The following FRMD6 variants were observed in gnomAD, a reference collection of about 807,000 sequenced individuals.
The protein encoded by FRMD6 is FERM domain containing 6, also known as FERM domain-containing protein 6.
In FRMD6, 37 loss-of-function variants were observed where a neutral mutation model predicts 73.2. That is an observed-to-expected ratio of 0.51 (90% CI 0.39 to 0.66). The LOEUF is 0.66. Among genes scored for constraint, FRMD6 ranks in the 30% least tolerant of loss-of-function variants. The pLI is 0.00. For missense variants in FRMD6, 714 were observed against 780.5 expected (o/e 0.91, Z 1.02); for synonymous variants, 273 against 282.2 (o/e 0.97, Z 0.33).
chr14:51,498,589 T>C (rs1956571), intron 1 of FRMD6, among the ~76,000 whole-genome samples: 88,278 of 152,054 alleles, frequency 0.58, 26,031 homozygotes, highest in South Asian at 0.68. Flanking sequence ...GGCCTGGGCT[T>C]AGCTGGGACA....
the FRMD6 span, among the ~76,000 whole-genome samples, chr14:51,405,519 A>G: frequency 6.6e-6 from 1 of 151,838 alleles, no homozygotes; most frequent in Non-Finnish European, 1.5e-5. Context: ...GACTGGTGTG[A>G]GATGGTATCT....
chr14:51,548,477 G>T (rs924213143), intron 1 of FRMD6, among the ~76,000 whole-genome samples: 1 of 152,162 alleles, frequency 6.6e-6, no homozygotes, highest in African/African-American at 2.4e-5. Context: ...AACACAACCT[G>T]GCTGGCTTAG....
the FRMD6 span, among the ~76,000 whole-genome samples, chr14:51,472,524 C>T: frequency 2.6e-5 from 4 of 152,100 alleles, no homozygotes; most frequent in African/African-American, 4.8e-5. Flanking sequence ...AGGATGGCCT[C>T]GATCTCCTGA....
upstream of FRMD6, among the ~76,000 whole-genome samples, chr14:51,484,103 G>A (rs1479725448): frequency 6.6e-6 from 1 of 152,158 alleles, no homozygotes; most frequent in Non-Finnish European, 1.5e-5. Context: ...TAAAAAATAA[G>A]CTTTTCCATT....
At chr14:51,529,573 G>GCAAT (rs1323621698) in intron 1 of FRMD6, among the ~76,000 whole-genome samples, 1 of 152,100 alleles carries the variant, frequency 6.6e-6, no homozygotes, top group Non-Finnish European at 1.5e-5. Context: ...ATATCCAGTA[G>GCAAT]CAATCATTTC....
At chr14:51,464,576 G>T in the FRMD6 span, among the ~76,000 whole-genome samples, 83 of 152,266 alleles carry the variant, frequency 5.5e-4, 1 homozygote, top group African/African-American at 1.9e-3. Flanking sequence ...GAGAACAGGA[G>T]AACTGGGTTA....
the FRMD6 span, among the ~76,000 whole-genome samples, chr14:51,440,757 C>T: frequency 1.3e-5 from 2 of 152,260 alleles, no homozygotes; most frequent in African/African-American, 2.4e-5. Flanking sequence ...ATACTTACAA[C>T]GTGTCAAGCA....
chr14:51,701,401 G>GTA (rs1308901058), intron 4 of FRMD6, among the ~76,000 whole-genome samples: 75 of 138,282 alleles, frequency 5.4e-4, no homozygotes, highest in African/African-American at 1.8e-3. Context: ...TATATACTTA[G>GTA]TATATATATA....
intron 2 of FRMD6, among the ~76,000 whole-genome samples, chr14:51,690,241 C>T (rs1028485715): frequency 6.6e-6 from 1 of 152,158 alleles, no homozygotes; most frequent in African/African-American, 2.4e-5. Context: ...GAATTTATGT[C>T]TTAAATGCTT....
chr14:51,662,206 T>C (rs1157455054), intron 1 of FRMD6, among the ~76,000 whole-genome samples: 2 of 152,228 alleles, frequency 1.3e-5, no homozygotes, highest in African/African-American at 4.8e-5. Context: ...TAGATTGTTT[T>C]TTGATACTAT....
chr14:51,712,890 G>T (rs1897022455), intron 9 of FRMD6, among the ~76,000 whole-genome samples: 2 of 152,164 alleles, frequency 1.3e-5, no homozygotes, highest in Non-Finnish European at 2.9e-5. Context: ...AGGTTAGCCA[G>T]TTCTTTTGAA....
At chr14:51,699,322 C>T (rs1401246595) in intron 3 of FRMD6, among the ~76,000 whole-genome samples, 2 of 152,052 alleles carry the variant, frequency 1.3e-5, no homozygotes, top group African/African-American at 4.8e-5. Flanking sequence ...ATACTTCAGT[C>T]GTTCTTTCAG....
the FRMD6 span, among the ~76,000 whole-genome samples, chr14:51,414,673 T>G: frequency 5.3e-4 from 81 of 152,330 alleles, no homozygotes; most frequent in Non-Finnish European, 1.0e-3. Context: ...TAAAGTAGTT[T>G]TTTTCCAATT....
At chr14:51,602,734 TC>T (rs1890088723) in intron 2 of FRMD6, among the ~76,000 whole-genome samples, 1 of 152,248 alleles carries the variant, frequency 6.6e-6, no homozygotes, top group Non-Finnish European at 1.5e-5. Flanking sequence ...TGTTTCTTTT[TC>T]ACTTTCATGC....
intron 1 of FRMD6, among the ~76,000 whole-genome samples, chr14:51,565,593 C>A (rs1950908): frequency 6.6e-6 from 1 of 152,128 alleles, no homozygotes; most frequent in African/African-American, 2.4e-5. Context: ...CTGGTGGTGG[C>A]GGTGGTAGTT....
chr14:51,411,230 A>G, the FRMD6 span, among the ~76,000 whole-genome samples: 929 of 152,310 alleles, frequency 6.1e-3, 13 homozygotes, highest in African/African-American at 0.021. Context: ...ATTTCTTAAG[A>G]ATTTGAATTC....
rs73290940 is a variant in FRMD6 at position 51,631,079 on chromosome 14, T to C, written c.-146-58612T>C. Among the ~76,000 whole-genome samples, 1,236 of 152,120 alleles carry C rather than the reference T, an allele frequency of 8.1e-3. 18 individuals carry two copies. Among genetic ancestry groups the C allele is most frequent in the African/African-American group, 0.028 (1,178 of 41,506 alleles). ...TCATTCTGAGTACTTGCCCAGATAG[T>C]GCAGAGAAAATCCACAGAGACAGTT... On this transcript the variant is annotated intron_variant, in intron 2 of 14. Transcript: ENST00000356218.
chr14:51,456,792 T>C, the FRMD6 span, among the ~76,000 whole-genome samples: 1 of 152,194 alleles, frequency 6.6e-6, no homozygotes, highest in African/African-American at 2.4e-5. Flanking sequence ...ATGTGGCATA[T>C]ATACACAATG....
chr14:51,503,173 T>C (rs1337816629), intron 1 of FRMD6, among the ~76,000 whole-genome samples: 1 of 152,218 alleles, frequency 6.6e-6, no homozygotes, highest in African/African-American at 2.4e-5. Flanking sequence ...CTCTTCCTAT[T>C]TGAATACTCT....
Sources: allele counts gnomAD v4.1 joint callset (sites outside exome capture counted in the v4.1 genomes callset), GRCh38; gene constraint gnomAD v4.1.1; transcripts MANE v1.5; gene names NCBI Gene and HGNC (gene_info 2026-07-23, HGNC 2026-07-21).